Variants in ERC2 observed in about 807,000 individuals in gnomAD.
ERC2 encodes the protein ERC protein 2.
In ERC2, 42 loss-of-function variants were observed where a neutral mutation model predicts 114.8. That is an observed-to-expected ratio of 0.37 (90% confidence interval 0.29 to 0.47). ERC2 has a LOEUF of 0.47. Ranked by LOEUF, ERC2 falls within the 20% of genes least tolerant of loss-of-function variation. The pLI is 0.99. For synonymous variants in ERC2, 454 were observed against 425.5 expected (o/e 1.07, Z -0.82); for missense variants, 939 against 1,150.7 (o/e 0.82, Z 2.66).
intron 12 of ERC2, among the ~76,000 whole-genome samples, chr3:55,952,541 G>A (rs966994104): frequency 6.6e-6 from 1 of 152,066 alleles, no homozygotes; most frequent in African/African-American, 2.4e-5. Context: ...CCTAAGGCAG[G>A]CGCATTTTCC....
intron 2 of ERC2, among the ~76,000 whole-genome samples, chr3:56,394,845 G>A (rs1202663653): frequency 2.0e-5 from 3 of 152,106 alleles, no homozygotes; most frequent in African/African-American, 2.4e-5. Context: ...ATATGACCCA[G>A]CAATTCCAAA....
chr3:56,430,871 G>C (rs1174466594), intron 2 of ERC2, among the ~76,000 whole-genome samples: 1 of 152,112 alleles, frequency 6.6e-6, no homozygotes, highest in African/African-American at 2.4e-5. Context: ...CATGTATGAA[G>C]TAGGATCTTC....
intron 17 of ERC2, among the ~76,000 whole-genome samples, chr3:55,548,237 C>T (rs758309282): frequency 3.9e-5 from 6 of 152,258 alleles, no homozygotes; most frequent in African/African-American, 7.2e-5. Flanking sequence ...AAACATGCCA[C>T]ATGGGCAATG....
At position 56,041,357 on chromosome 3, in the gene ERC2, G is replaced by T. The variant is rs146465378; in HGVS notation, c.1642-22326C>A. Among the ~76,000 whole-genome samples the T allele has an allele frequency of 1.2e-4, 18 of 152,240 alleles. No homozygotes were observed. The East Asian group carries it at 3.3e-3, about 28-fold the overall frequency. On this transcript the variant is annotated intron_variant, in intron 7 of 17. Coordinates refer to ENST00000288221, the MANE Select transcript of ERC2 (RefSeq NM_015576.3). ...TAGGGGCAGAGAGGCTCTACCAGCA[G>T]TTTGGGGCTGGTGATAGATTGAGCT...
chr3:55,955,248 TTG>T (rs60633794), intron 12 of ERC2: 5,142 of 360,294 alleles, frequency 0.014, 49 homozygotes, highest in African/African-American at 0.038. Flanking sequence ...GGTGGTGTGT[TTG>T]TGTGTGTGTG....
intron 2 of ERC2, among the ~76,000 whole-genome samples, chr3:56,301,603 G>GGA (rs2055879070): frequency 6.6e-6 from 1 of 151,976 alleles, no homozygotes; most frequent in Non-Finnish European, 1.5e-5. Context: ...GGGCACAGTG[G>GGA]CATATGCCTA....
intron 17 of ERC2, among the ~76,000 whole-genome samples, chr3:55,652,628 C>T (rs2060675932): frequency 6.6e-6 from 1 of 152,108 alleles, no homozygotes; most frequent in South Asian, 2.1e-4. Context: ...AATCCCAGCA[C>T]TTTGGGAGGC....
At chr3:55,875,724 A>ACACACACACACACTCT (rs1491351730) in intron 14 of ERC2, among the ~76,000 whole-genome samples, 8 of 141,104 alleles carry the variant, frequency 5.7e-5, no homozygotes, top group African/African-American at 2.2e-4. Context: ...ACACACACAC[A>ACACACACACACACTCT]CTCTCTCTCT....
intron 13 of ERC2, among the ~76,000 whole-genome samples, chr3:55,925,542 G>A (rs1439391773): frequency 6.6e-6 from 1 of 152,152 alleles, no homozygotes; most frequent in Non-Finnish European, 1.5e-5. Flanking sequence ...GGAACTAAGG[G>A]TGGCTCAGAT....
chr3:55,586,143 G>A (rs2057588793), intron 17 of ERC2, among the ~76,000 whole-genome samples: 1 of 152,250 alleles, frequency 6.6e-6, no homozygotes, highest in East Asian at 1.9e-4. Context: ...TGACTGGCGG[G>A]GTGGGGAGGG....
intron 4 of ERC2, among the ~76,000 whole-genome samples, chr3:56,168,372 T>C (rs2082435112): frequency 6.6e-6 from 1 of 152,200 alleles, no homozygotes; most frequent in East Asian, 1.9e-4. Flanking sequence ...GGCATATTCT[T>C]AAGGCCTAAA....
chr3:55,755,283 A>G (rs2066979706), intron 14 of ERC2, among the ~76,000 whole-genome samples: 1 of 152,160 alleles, frequency 6.6e-6, no homozygotes, highest in Non-Finnish European at 1.5e-5. Flanking sequence ...ACCAGCATTC[A>G]CGATGAGGAA....
At chr3:56,380,173 C>T (rs1338449276) in intron 2 of ERC2, among the ~76,000 whole-genome samples, 6 of 152,074 alleles carry the variant, frequency 3.9e-5, no homozygotes, top group Non-Finnish European at 7.4e-5. Flanking sequence ...GTTTCATATA[C>T]ATTATCTCAC....
At chr3:55,730,822 G>A (rs2065211348) in intron 15 of ERC2, among the ~76,000 whole-genome samples, 1 of 152,204 alleles carries the variant, frequency 6.6e-6, no homozygotes, top group Non-Finnish European at 1.5e-5. Context: ...CTGTACTCTA[G>A]CCTGGGTGAC....
intron 3 of ERC2, among the ~76,000 whole-genome samples, chr3:56,280,727 G>T (rs138079431): frequency 6.6e-6 from 1 of 152,274 alleles, no homozygotes; most frequent in Non-Finnish European, 1.5e-5. Context: ...AGCTTCAGGA[G>T]TACTACTGTT....
intron 4 of ERC2, among the ~76,000 whole-genome samples, chr3:56,171,625 C>T (rs1170261710): frequency 1.3e-5 from 2 of 151,938 alleles, no homozygotes; most frequent in Non-Finnish European, 2.9e-5. Flanking sequence ...CTCTGCCTTC[C>T]CATGTAGATG....
At chr3:56,372,605 T>C (rs950137427) in intron 2 of ERC2, among the ~76,000 whole-genome samples, 6 of 152,004 alleles carry the variant, frequency 3.9e-5, no homozygotes, top group African/African-American at 1.4e-4. Context: ...CGCGTGCCTG[T>C]TGTCCCCCGC....
chr3:56,348,883 GGAAGGAAGGAAGGAAGGAAGGAAA>G (rs1465492156), intron 2 of ERC2, among the ~76,000 whole-genome samples: 7,942 of 59,204 alleles, frequency 0.13, 455 homozygotes, highest in Non-Finnish European at 0.17. Flanking sequence ...AAGGAAGGAA[GGAAGGAAGGAAGGAAGGAAGGAAA>G]GAAGGAAGGA....
chr3:55,809,545 C>G (rs1280067014), intron 14 of ERC2, among the ~76,000 whole-genome samples: 2 of 152,120 alleles, frequency 1.3e-5, no homozygotes, highest in African/African-American at 2.4e-5. Flanking sequence ...ATAAGGAACT[C>G]AAACAACTCA....
Sources: gnomAD v4.1 joint callset for allele counts (sites outside exome capture counted in the v4.1 genomes callset) on GRCh38, gnomAD v4.1.1 for gene constraint, MANE v1.5 for transcripts, NCBI Gene and HGNC (gene_info 2026-07-23, HGNC 2026-07-21) for gene names.